Variants in THSD4 observed in about 807,000 individuals in gnomAD.
THSD4 encodes the protein thrombospondin type 1 domain containing 4, also known as thrombospondin type-1 domain-containing protein 4.
THSD4 carries 69 observed loss-of-function variants against 119.0 expected under a neutral mutation model. The observed-to-expected ratio is 0.58, with a 90% CI of 0.48 to 0.71. The LOEUF (loss-of-function observed/expected upper bound fraction) is 0.71, where lower values mean the gene tolerates loss of function less well. THSD4 is among the 30% of genes least tolerant of loss of function. The probability of loss-of-function intolerance (pLI) is 0.00; values close to 1 mark genes in which losing one functional copy is unlikely to be tolerated. For missense variants in THSD4, 1,393 were observed against 1,391.1 expected (o/e 1.00, Z -0.02); for synonymous variants, 524 against 540.4 (o/e 0.97, Z 0.42).
chr15:71,294,943 A>AG (rs1393687208), intron 6 of THSD4, among the ~76,000 whole-genome samples: 1 of 148,616 alleles, frequency 6.7e-6, no homozygotes, highest in Non-Finnish European at 1.5e-5. Context: ...AAAAAAAAAT[A>AG]CAGTCTTGTT....
intron 3 of THSD4, chr15:71,184,093 A>G (rs112209574): frequency 6.6e-6 from 1 of 151,716 alleles, no homozygotes; most frequent in Non-Finnish European, 1.5e-5. Context: ...GTCATGTTAG[A>G]TCTGCCTCTT....
At chr15:71,293,056 A>G in intron 6 of THSD4, among the ~76,000 whole-genome samples, 1 of 152,020 alleles carries the variant, frequency 6.6e-6, no homozygotes, top group East Asian at 1.9e-4. Context: ...GTTTGTGTTA[A>G]CCCTGCCTTT....
At chr15:71,630,296 C>T (rs1256947044) in intron 7 of THSD4, among the ~76,000 whole-genome samples, 1 of 152,148 alleles carries the variant, frequency 6.6e-6, no homozygotes, top group Non-Finnish European at 1.5e-5. Context: ...TGGCACAGAG[C>T]TCTGCTCTGT....
intron 6 of THSD4, among the ~76,000 whole-genome samples, chr15:71,366,161 C>T (rs1596370571): frequency 6.6e-6 from 1 of 152,106 alleles, no homozygotes; most frequent in African/African-American, 2.4e-5. Context: ...GCAAGCTCTG[C>T]CTCCCAGGTT....
At chr15:71,514,109 T>A (rs1388735140) in intron 7 of THSD4, among the ~76,000 whole-genome samples, 1 of 152,220 alleles carries the variant, frequency 6.6e-6, no homozygotes, top group Non-Finnish European at 1.5e-5. Flanking sequence ...CCAACAGATC[T>A]CAGGGCTAGG....
chr15:71,118,765 T>A (rs2040384753), intron 1 of THSD4, among the ~76,000 whole-genome samples: 1 of 152,212 alleles, frequency 6.6e-6, no homozygotes, highest in South Asian at 2.1e-4. Flanking sequence ...TGAAAATGGA[T>A]TAAAAATGTT....
At chr15:71,550,365 A>G (rs577142818) in intron 7 of THSD4, among the ~76,000 whole-genome samples, 1 of 152,316 alleles carries the variant, frequency 6.6e-6, no homozygotes, top group South Asian at 2.1e-4. Context: ...GGGAGATGCA[A>G]CTAGAAATCT....
intron 7 of THSD4, among the ~76,000 whole-genome samples, chr15:71,480,655 G>A (rs1420586222): frequency 6.6e-6 from 1 of 152,156 alleles, no homozygotes; most frequent in African/African-American, 2.4e-5. Flanking sequence ...TCTTCTCATC[G>A]CGTTGCCAGC....
At chr15:71,753,057 A>C (rs1389020446) in intron 14 of THSD4, among the ~76,000 whole-genome samples, 1 of 152,224 alleles carries the variant, frequency 6.6e-6, no homozygotes, top group Non-Finnish European at 1.5e-5. Context: ...TAAAGTTCGC[A>C]AACACTTAAG....
At chr15:71,709,024 G>A (rs888313409) in intron 8 of THSD4, among the ~76,000 whole-genome samples, 4 of 152,166 alleles carry the variant, frequency 2.6e-5, no homozygotes, top group African/African-American at 9.7e-5. Context: ...TTACGTGGGA[G>A]GTAGAGTCGC....
chr15:71,770,964 C>G, intron 16 of THSD4, 100 bp from the exon 17 acceptor site: 1 of 1,517,194 alleles, frequency 6.6e-7, no homozygotes, highest in South Asian at 1.3e-5. Flanking sequence ...ATTCTGTCTC[C>G]TTTTGGAAAT....
intron 14 of THSD4, among the ~76,000 whole-genome samples, chr15:71,753,166 A>G (rs2053480087): frequency 6.6e-6 from 1 of 152,218 alleles, no homozygotes; most frequent in Non-Finnish European, 1.5e-5. Flanking sequence ...TTAAACTTCT[A>G]GGGACACAAA....
At chr15:71,422,119 G>A (rs1436488046) in intron 7 of THSD4, among the ~76,000 whole-genome samples, 4 of 152,164 alleles carry the variant, frequency 2.6e-5, no homozygotes, top group Non-Finnish European at 5.9e-5. Flanking sequence ...TGACTGAAAG[G>A]TTACATATCT....
intron 4 of THSD4, among the ~76,000 whole-genome samples, chr15:71,230,206 A>G (rs1027769467): frequency 3.3e-5 from 5 of 152,104 alleles, no homozygotes; most frequent in African/African-American, 1.2e-4. Context: ...AGGTAAACTC[A>G]TTTGGTCTCC....
intron 6 of THSD4, among the ~76,000 whole-genome samples, chr15:71,303,123 G>A (rs2044975339): frequency 6.6e-6 from 1 of 151,534 alleles, no homozygotes; most frequent in South Asian, 2.1e-4. Context: ...TTCCTACCCA[G>A]GAGGAGACTC....
chr15:71,446,742 T>G (rs912223319), intron 7 of THSD4, among the ~76,000 whole-genome samples: 16 of 152,280 alleles, frequency 1.1e-4, no homozygotes, highest in Admixed American at 1.0e-3. Context: ...TGCCAAACTC[T>G]GTGTGGCCTC....
intron 3 of THSD4, among the ~76,000 whole-genome samples, chr15:71,192,081 T>A (rs2043676889): frequency 6.6e-6 from 1 of 151,908 alleles, no homozygotes; most frequent in African/African-American, 2.4e-5. Context: ...TTTTTGTATT[T>A]TTAGTAGAGA....
chr15:71,632,094 T>A (rs906408796), intron 7 of THSD4, among the ~76,000 whole-genome samples: 3 of 151,976 alleles, frequency 2.0e-5, no homozygotes, highest in Non-Finnish European at 4.4e-5. Flanking sequence ...AAAAAGTGAA[T>A]GAGATAATCC....
intron 7 of THSD4, among the ~76,000 whole-genome samples, chr15:71,563,795 C>T (rs2049172696): frequency 2.0e-5 from 3 of 152,140 alleles, no homozygotes; most frequent in South Asian, 4.2e-4. Context: ...AGTTACTGCT[C>T]CCATCTCCTT....
Sources: gnomAD v4.1 joint callset for allele counts (sites outside exome capture counted in the v4.1 genomes callset) on GRCh38, gnomAD v4.1.1 for gene constraint, MANE v1.5 for transcripts, NCBI Gene and HGNC (gene_info 2026-07-23, HGNC 2026-07-21) for gene names.